The following IL1RAPL1 variants were observed in gnomAD, a reference collection of about 807,000 sequenced individuals.
IL1RAPL1 encodes interleukin-1 receptor accessory protein-like 1.
IL1RAPL1 carries 3 observed loss-of-function variants against 48.4 expected under a neutral mutation model. The ratio of observed to expected loss-of-function variants is 0.06; its 90% CI spans 0.03 to 0.16. The LOEUF (loss-of-function observed/expected upper bound fraction) is 0.16. Ranked by LOEUF, IL1RAPL1 falls within the 10% of genes least tolerant of loss-of-function variation. The probability of loss-of-function intolerance (pLI) is 1.00; values close to 1 mark genes in which losing one functional copy is unlikely to be tolerated. For missense variants in IL1RAPL1, 349 were observed against 530.6 expected (o/e 0.66, Z 3.36); for synonymous variants, 185 against 187.7 (o/e 0.99, Z 0.12).
rs28693598 is a variant in IL1RAPL1, at chrX:29,392,879, G to T, written c.363-3379G>T. Among the ~76,000 whole-genome samples the T allele has an allele frequency of 8.5e-3, 956 of 111,976 alleles. 7 individuals are homozygous for T. The highest frequency in any genetic ancestry group is 0.03 in the African/African-American group (913 of 30,819). On this transcript the variant is annotated intron_variant, in intron 3 of 10. Transcript: ENST00000378993. ...CTAATTAGACACCAAAGAACTGAAG[G>T]CCTCATCATGGTAGTATTTTCTAAT...
At position 29,475,691 on chromosome X, in the gene IL1RAPL1, C is replaced by T. The variant is rs778936517; in HGVS notation, c.703+76383C>T. ...TGCATTTCAGAGCAAGTTTTATATG[C>T]GTTCCTACAACATATGGGCATGTTC... On this transcript the variant is annotated intron_variant, in intron 5 of 10. Coordinates refer to ENST00000378993, the MANE Select transcript of IL1RAPL1 (RefSeq NM_014271.4). Among the ~76,000 whole-genome samples, 10 of 111,697 alleles carry T rather than the reference C, an allele frequency of 9.0e-5. No homozygotes were observed. The South Asian group carries it at 3.0e-3, about 34-fold the overall frequency.
intron 2 of IL1RAPL1, among the ~76,000 whole-genome samples, chrX:29,028,851 G>T (rs1926551452): frequency 9.0e-6 from 1 of 111,075 alleles, no homozygotes; most frequent in African/African-American, 3.3e-5. Flanking sequence ...TGGCACTGGG[G>T]TGTGCCGGGA....
intron 6 of IL1RAPL1, among the ~76,000 whole-genome samples, chrX:29,702,905 A>AT (rs1927091614): frequency 8.9e-6 from 1 of 112,492 alleles, no homozygotes; most frequent in Non-Finnish European, 1.9e-5. Flanking sequence ...GGCCTAATAC[A>AT]GCATTACTAA....
intron 6 of IL1RAPL1, among the ~76,000 whole-genome samples, chrX:29,897,751 C>T (rs776141071): frequency 5.4e-4 from 60 of 110,575 alleles, no homozygotes; most frequent in African/African-American, 1.9e-3. Context: ...CAAAGATGAT[C>T]GCTAATCTAT....
chrX:28,906,120 G>A (rs1923210054), intron 2 of IL1RAPL1, among the ~76,000 whole-genome samples: 2 of 111,802 alleles, frequency 1.8e-5, no homozygotes, highest in African/African-American at 6.5e-5. Flanking sequence ...GAGTGAAGGG[G>A]AAAGAGCCAT....
At chrX:29,713,865 C>T (rs1927416363) in intron 6 of IL1RAPL1, among the ~76,000 whole-genome samples, 1 of 111,754 alleles carries the variant, frequency 8.9e-6, no homozygotes, top group Admixed American at 9.5e-5. Context: ...ACATTTGAAA[C>T]AAATTTATTG....
intron 1 of IL1RAPL1, among the ~76,000 whole-genome samples, 158 bp downstream of exon 1, chrX:28,588,205 TATGTGTGTGTG>T (rs1293832276): frequency 0.076 from 7,139 of 93,466 alleles, 225 homozygotes; most frequent in African/African-American, 0.13. Context: ...GGTGTGTTGA[TATGTGTGTGTG>T]TGTGTGTGTG....
At chrX:29,841,545 C>A (rs12013655) in intron 6 of IL1RAPL1, among the ~76,000 whole-genome samples, 3 of 111,382 alleles carry the variant, frequency 2.7e-5, no homozygotes, top group African/African-American at 9.8e-5. Context: ...TTAAACTGAA[C>A]GAGCATTCAT....
At chrX:28,810,512 A>G (rs144542972) in intron 2 of IL1RAPL1, among the ~76,000 whole-genome samples, 1,293 of 111,237 alleles carry the variant, frequency 0.012, 22 homozygotes, top group African/African-American at 0.04. Context: ...AAAGCAATCA[A>G]TGAATATCAC....
chrX:29,475,709 G>A (rs1294369111), intron 5 of IL1RAPL1, among the ~76,000 whole-genome samples: 1 of 111,750 alleles, frequency 8.9e-6, no homozygotes, highest in East Asian at 2.8e-4. Flanking sequence ...CAACATATGG[G>A]CATGTTCTTC....
chrX:28,903,736 T>C (rs940635789), intron 2 of IL1RAPL1, among the ~76,000 whole-genome samples: 1 of 111,065 alleles, frequency 9.0e-6, no homozygotes, highest in Non-Finnish European at 1.9e-5. Flanking sequence ...TAACCAAATA[T>C]CTTAATGTTG....
chrX:28,952,713 A>G (rs1207468051), intron 2 of IL1RAPL1, among the ~76,000 whole-genome samples: 1 of 111,558 alleles, frequency 9.0e-6, no homozygotes, highest in Non-Finnish European at 1.9e-5. Flanking sequence ...GTTTGAAAAG[A>G]AAGGAAAAGT....
At chrX:29,902,383 A>C (rs1932513397) in intron 6 of IL1RAPL1, among the ~76,000 whole-genome samples, 1 of 110,736 alleles carries the variant, frequency 9.0e-6, no homozygotes, top group Non-Finnish European at 1.9e-5. Context: ...GAGCCCTTAC[A>C]AGAATCTTTT....
Position 29,144,457 on chromosome X carries a change from G to A in IL1RAPL1, c.83-138481G>A, listed in dbSNP as rs181961731. ...AACTCTACTAAAAATACAGTAATTA[G>A]CTGGGTGTGATGGTGGGTGCCTGTA... is the stretch of plus-strand genomic sequence containing the variant. On this transcript the variant is annotated intron_variant, in intron 2 of 10. Transcript: ENST00000378993. Among the ~76,000 whole-genome samples the A allele has an allele frequency of 1.4e-4, 15 of 106,511 alleles. No homozygotes were observed. In the East Asian group the frequency reaches 3.7e-3, roughly 26 times the overall value. 92.5% of individuals were successfully genotyped at this position (106,511 alleles called of 115,157 possible).
At chrX:28,783,178 G>T (rs1050246762) in intron 1 of IL1RAPL1, among the ~76,000 whole-genome samples, 2 of 111,567 alleles carry the variant, frequency 1.8e-5, no homozygotes, top group African/African-American at 6.5e-5. Context: ...CTATAGGTTT[G>T]CAAGACATTC....
intron 5 of IL1RAPL1, among the ~76,000 whole-genome samples, chrX:29,427,664 G>A (rs1461687542): frequency 9.0e-6 from 1 of 111,229 alleles, no homozygotes; most frequent in East Asian, 2.8e-4. Flanking sequence ...CAGTTTGTCT[G>A]CCAGGATGCA....
At chrX:29,240,945 G>C (rs764855893) in intron 2 of IL1RAPL1, among the ~76,000 whole-genome samples, 94 of 112,350 alleles carry the variant, frequency 8.4e-4, no homozygotes, top group African/African-American at 3.0e-3. Flanking sequence ...CTTGACAAGT[G>C]AAGAAAACAA....
Position 29,224,893 on chromosome X carries a change from T to C in IL1RAPL1, c.83-58045T>C, listed in dbSNP as rs1931050399. ...TTTATGAGAAAATGAGAGACCCCTATGTGATTTATTTTAAAATAATCATTG... is the reference window on the plus strand; with the variant it reads ...TTTATGAGAAAATGAGAGACCCCTACGTGATTTATTTTAAAATAATCATTG... On this transcript the variant is annotated intron_variant, in intron 2 of 10. Transcript: ENST00000378993. 2.7e-5 allele frequency among the ~76,000 whole-genome samples: 3 copies of C among 112,343 alleles called. No individual in the cohort carries two copies. The South Asian group carries it at 1.1e-3, about 41-fold the overall frequency.
intron 2 of IL1RAPL1, among the ~76,000 whole-genome samples, chrX:29,252,185 C>A (rs969731739): frequency 2.7e-5 from 3 of 111,991 alleles, no homozygotes; most frequent in East Asian, 2.7e-4. Flanking sequence ...TTAGTGGGTG[C>A]AGCACACCAG....
Sources: allele counts gnomAD v4.1 joint callset (sites outside exome capture counted in the v4.1 genomes callset), GRCh38; gene constraint gnomAD v4.1.1; transcripts MANE v1.5; gene names NCBI Gene and HGNC (gene_info 2026-07-23, HGNC 2026-07-21).